The following BATF variants were observed in gnomAD, a reference collection of about 807,000 sequenced individuals.
The protein encoded by BATF is basic leucine zipper transcriptional factor ATF-like.
In BATF, 5 loss-of-function variants were observed where a neutral mutation model predicts 13.7. The ratio of observed to expected loss-of-function variants is 0.36; its 90% CI spans 0.19 to 0.77. The LOEUF is 0.77. Among genes scored for constraint, BATF ranks in the 30% least tolerant of loss-of-function variants. The pLI is 0.51. For missense variants in BATF, 124 were observed against 163.0 expected (o/e 0.76, Z 1.30); for synonymous variants, 72 against 67.5 (o/e 1.07, Z -0.33).
intron 2 of BATF, among the ~76,000 whole-genome samples, chr14:75,526,583 T>C (rs529326554): frequency 2.6e-4 from 40 of 152,034 alleles, no homozygotes; most frequent in African/African-American, 8.7e-4. Context: ...TCTGATTGGG[T>C]GCTTGGGTTT....
chr14:75,543,056 G>A (rs1428667618), intron 2 of BATF, among the ~76,000 whole-genome samples: 1 of 152,190 alleles, frequency 6.6e-6, no homozygotes, highest in Non-Finnish European at 1.5e-5. Context: ...CTCTCAGAGG[G>A]GGCGAAGAAA....
intron 2 of BATF, among the ~76,000 whole-genome samples, chr14:75,539,577 A>T (rs1036852168): frequency 6.6e-6 from 1 of 151,994 alleles, no homozygotes; most frequent in African/African-American, 2.4e-5. Flanking sequence ...TTGAAAACCA[A>T]GGACCAGGCG....
intron 2 of BATF, among the ~76,000 whole-genome samples, chr14:75,529,496 A>G (rs926710403): frequency 1.3e-5 from 2 of 152,210 alleles, no homozygotes; most frequent in Non-Finnish European, 2.9e-5. Context: ...AAGAAACTTG[A>G]AAAGACAAAT....
At chr14:75,534,869 C>T (rs1887795301) in intron 2 of BATF, among the ~76,000 whole-genome samples, 1 of 152,188 alleles carries the variant, frequency 6.6e-6, no homozygotes, top group Non-Finnish European at 1.5e-5. Context: ...AAGGAAATCA[C>T]TGAACAGAGA....
At chr14:75,546,229 C>G (rs957722460) in intron 2 of BATF, among the ~76,000 whole-genome samples, 2 of 152,202 alleles carry the variant, frequency 1.3e-5, no homozygotes, top group Non-Finnish European at 2.9e-5. Context: ...AGCCTCATAT[C>G]TATGTGTATA....
intron 2 of BATF, among the ~76,000 whole-genome samples, chr14:75,529,995 C>T (rs1315966395): frequency 6.9e-6 from 1 of 145,108 alleles, no homozygotes; most frequent in Non-Finnish European, 1.5e-5. Context: ...ACCCGGGAGG[C>T]GGAGCTTGCA....
intron 2 of BATF, among the ~76,000 whole-genome samples, chr14:75,532,633 G>A (rs1318342419): frequency 1.3e-5 from 2 of 152,172 alleles, no homozygotes; most frequent in East Asian, 3.8e-4. Context: ...TCTGTGAATA[G>A]TAAATACTTT....
intron 2 of BATF, among the ~76,000 whole-genome samples, chr14:75,543,757 G>A (rs1887938230): frequency 6.6e-6 from 1 of 151,590 alleles, no homozygotes; most frequent in African/African-American, 2.4e-5. Context: ...TGGGCTCTCA[G>A]GAGGTAGAGG....
At chr14:75,527,965 T>C (rs749929821) in intron 2 of BATF, among the ~76,000 whole-genome samples, 2 of 152,228 alleles carry the variant, frequency 1.3e-5, no homozygotes, top group Non-Finnish European at 2.9e-5. Flanking sequence ...CAATCTGCCC[T>C]ACATCAAATT....
chr14:75,538,192 C>T (rs1887844390), intron 2 of BATF, among the ~76,000 whole-genome samples: 1 of 152,140 alleles, frequency 6.6e-6, no homozygotes, highest in South Asian at 2.1e-4. Context: ...CTTCCGGGCT[C>T]AAATGACCCT....
chr14:75,526,571 G>C (rs1027177393), intron 2 of BATF, among the ~76,000 whole-genome samples: 5 of 152,190 alleles, frequency 3.3e-5, no homozygotes, highest in Non-Finnish European at 5.9e-5. Flanking sequence ...TGCACCAACA[G>C]CTCTGATTGG....
At position 75,522,716 on chromosome 14, in the gene BATF, T is replaced by C. The variant is rs752433338; in HGVS notation, c.34T>C (p.Phe12Leu). The C allele has an allele frequency of 1.9e-6, 3 of 1,614,186 alleles. No homozygotes were observed. Among genetic ancestry groups the C allele is most frequent in the African/African-American group, 2.7e-5 (2 of 75,034 alleles). ...CAGCTCCGACAGCAGTGACTCCAGC[T>C]TCAGCCGCTCTCCTCCCCCTGGCAA... ...PHSSDSSDSS[F>L]SRSPPPGKQD... The change falls in exon 1 of 3, where the codon TTC (phenylalanine) becomes CTC (leucine). Residue 12 changes from phenylalanine (F) to leucine (L), a missense_variant. Phe to Leu is a conservative substitution (Grantham distance 22). Coordinates refer to ENST00000286639, the MANE Select transcript of BATF (RefSeq NM_006399.5).
intron 2 of BATF, among the ~76,000 whole-genome samples, chr14:75,542,481 T>A (rs997466019): frequency 2.0e-5 from 3 of 152,256 alleles, no homozygotes; most frequent in Non-Finnish European, 2.9e-5. Flanking sequence ...GTCACTGTTG[T>A]ACCTCTGGAT....
chr14:75,535,488 T>C (rs1052204678), intron 2 of BATF, among the ~76,000 whole-genome samples: 4 of 152,142 alleles, frequency 2.6e-5, no homozygotes, highest in Admixed American at 2.6e-4. Context: ...CGTTTTTAAC[T>C]TTTAAAAAAT....
At chr14:75,538,083 C>A (rs577407745) in intron 2 of BATF, among the ~76,000 whole-genome samples, 2 of 152,296 alleles carry the variant, frequency 1.3e-5, no homozygotes, top group African/African-American at 4.8e-5. Flanking sequence ...CTTGGCCTCC[C>A]AAATAGCTGG....
intron 2 of BATF, among the ~76,000 whole-genome samples, chr14:75,540,327 G>A (rs1566768983): frequency 6.6e-6 from 1 of 152,082 alleles, no homozygotes; most frequent in South Asian, 2.1e-4. Flanking sequence ...CTCCAGTAGG[G>A]GATTTCCCAG....
intron 2 of BATF, among the ~76,000 whole-genome samples, chr14:75,526,645 C>T (rs959993163): frequency 6.6e-6 from 1 of 152,196 alleles, no homozygotes; most frequent in African/African-American, 2.4e-5. Context: ...ATTAAATTCA[C>T]AGCTATTTGT....
chr14:75,524,936 AGGC>A, intron 1 of BATF, 145 bp from the exon 2 acceptor site: 1 of 626,986 alleles, frequency 1.6e-6, no homozygotes, highest in Non-Finnish European at 2.7e-6. Flanking sequence ...CTTCGGGTGC[AGGC>A]TTTTGGTAAA....
chr14:75,538,509 A>C (rs892721680), intron 2 of BATF, among the ~76,000 whole-genome samples: 7 of 152,146 alleles, frequency 4.6e-5, no homozygotes, highest in Non-Finnish European at 1.0e-4. Context: ...TGGAGTGAGT[A>C]GAATGTGTGG....
Sources: allele counts gnomAD v4.1 joint callset (sites outside exome capture counted in the v4.1 genomes callset), GRCh38; gene constraint gnomAD v4.1.1; transcripts MANE v1.5; gene names NCBI Gene and HGNC (gene_info 2026-07-23, HGNC 2026-07-21).